The following MAST2 variants were observed in gnomAD, a reference collection of about 807,000 sequenced individuals.
The protein encoded by MAST2 is microtubule-associated serine/threonine-protein kinase 2.
A neutral mutation model predicts 147.4 loss-of-function variants in MAST2; 70 were observed. The observed-to-expected ratio is 0.47, with a 90% CI of 0.39 to 0.58. The LOEUF (loss-of-function observed/expected upper bound fraction) is 0.58. MAST2 is among the 20% of genes least tolerant of loss of function. The pLI, the probability that MAST2 is intolerant of heterozygous loss-of-function variation, is 0.00. For synonymous variants in MAST2, 869 were observed against 896.8 expected (o/e 0.97, Z 0.55); for missense variants, 2,080 against 2,302.3 (o/e 0.90, Z 1.98).
intron 4 of MAST2, among the ~76,000 whole-genome samples, chr1:45,915,105 A>AT (rs896074310): frequency 1.3e-5 from 2 of 152,042 alleles, no homozygotes; most frequent in South Asian, 2.1e-4. Flanking sequence ...TAATTTTTTA[A>AT]TTTTTTTGTA....
chr1:45,962,426 G>A (rs1347392849), intron 5 of MAST2, among the ~76,000 whole-genome samples: 1 of 152,032 alleles, frequency 6.6e-6, no homozygotes, highest in African/African-American at 2.4e-5. Context: ...ATCCTCTCCA[G>A]CACCTGTTGT....
intron 4 of MAST2, among the ~76,000 whole-genome samples, chr1:45,955,115 A>C (rs1483657373): frequency 7.1e-6 from 1 of 141,748 alleles, no homozygotes; most frequent in African/African-American, 2.5e-5. Flanking sequence ...CACAAAGCAT[A>C]CAAAAGCCCC....
chr1:46,034,915 G>GC lies in MAST2; in HGVS notation c.4248dup (p.Ala1417ArgfsTer3). 3 of 1,614,134 alleles carry GC rather than the reference G, an allele frequency of 1.9e-6. No homozygotes were observed. The highest frequency in any genetic ancestry group is 2.5e-6 in the Non-Finnish European group (3 of 1,180,036). The stretch of plus-strand genomic sequence containing the variant: ...GGCTGAGAAACTGGCAGCAGCACTT[G>GC]CCGCCTCTGAGAAGAAGCTAGCCAC... On this transcript the variant is annotated frameshift_variant, in exon 29 of 29. Transcript: ENST00000361297. LOFTEE classifies it low-confidence loss of function (END_TRUNC).
chr1:45,932,755 A>G (rs1191020424), intron 4 of MAST2, among the ~76,000 whole-genome samples: 1 of 152,132 alleles, frequency 6.6e-6, no homozygotes, highest in Non-Finnish European at 1.5e-5. Flanking sequence ...ATACCATTTT[A>G]GTTTTGATGC....
chr1:45,844,413 G>A (rs1015813784), intron 3 of MAST2, among the ~76,000 whole-genome samples: 5 of 152,106 alleles, frequency 3.3e-5, no homozygotes, highest in Non-Finnish European at 5.9e-5. Flanking sequence ...TTCCTGAGTA[G>A]CTGGGATTAC....
chr1:45,816,142 C>T (rs936629629), intron 1 of MAST2, among the ~76,000 whole-genome samples: 2 of 150,522 alleles, frequency 1.3e-5, no homozygotes, highest in Non-Finnish European at 1.5e-5. Flanking sequence ...AGCTTTTCTG[C>T]AGCCTGTGGC....
intron 5 of MAST2, among the ~76,000 whole-genome samples, chr1:45,965,721 T>C (rs1661093267): frequency 1.3e-5 from 2 of 149,780 alleles, no homozygotes; most frequent in South Asian, 4.2e-4. Flanking sequence ...CCCTACCTTA[T>C]TTTTTTTTTA....
chr1:45,959,325 C>T (rs1279698280), intron 4 of MAST2, 61 bp from the exon 5 acceptor site: 1 of 1,375,732 alleles, frequency 7.3e-7, no homozygotes, highest in Admixed American at 1.7e-5. Context: ...TTAAAAACCA[C>T]TCAAGGTCTC....
chr1:46,031,583 C>T lies in MAST2; in HGVS notation c.3185C>T (p.Ser1062Leu), dbSNP rs779415983. ...ACAGCCCTCTCACTCCTCATTCCTT[C>T]GGGTGAGGCCCCTGGGGAGCTGGGA... ...SATALSLLIP[S>L]EHHTCSPLAS... is the part of the protein sequence containing the mutation. Residue 1062 changes from serine (S) to leucine (L), a missense_variant and splice_region_variant, in exon 24 of 29, where the codon TCG (serine) becomes TTG (leucine). Ser to Leu is a moderately radical substitution (Grantham distance 145). Around this residue, in one of 4 missense-constraint regions of MAST2, gnomAD observed 1,278 missense variants for 1,304.2 expected, o/e 0.98. Transcript: ENST00000361297. The surrounding 1 kb of genome is among the most constrained non-coding windows in gnomAD (Gnocchi z 4.1). 4.5e-5 allele frequency: 72 copies of T among 1,609,464 alleles called. No individual in the cohort carries two copies. The South Asian group carries it at 6.5e-4, about 15-fold the overall frequency.
At chr1:45,924,004 T>A (rs1020623584) in intron 4 of MAST2, among the ~76,000 whole-genome samples, 1 of 152,174 alleles carries the variant, frequency 6.6e-6, no homozygotes, top group Non-Finnish European at 1.5e-5. Flanking sequence ...CCCCAGTAGC[T>A]GGGATTACAG....
intron 3 of MAST2, among the ~76,000 whole-genome samples, chr1:45,870,830 A>G (rs1023721094): frequency 1.3e-5 from 2 of 152,024 alleles, no homozygotes; most frequent in East Asian, 3.9e-4. Flanking sequence ...TTGGGAAGCT[A>G]AAGTGGGAGG....
chr1:45,922,842 A>G (rs1238711282), intron 4 of MAST2, among the ~76,000 whole-genome samples: 1 of 152,108 alleles, frequency 6.6e-6, no homozygotes, highest in Non-Finnish European at 1.5e-5. Context: ...AGTCTTGGGC[A>G]AGGGCTCCAG....
chr1:45,877,884 A>G (rs947166744), intron 3 of MAST2, among the ~76,000 whole-genome samples: 1 of 152,170 alleles, frequency 6.6e-6, no homozygotes, highest in African/African-American at 2.4e-5. Context: ...GATATTAGCT[A>G]ATAGAATCTA....
chr1:45,913,508 G>T (rs1331569973), intron 4 of MAST2: 5 of 826,488 alleles, frequency 6.0e-6, no homozygotes, highest in African/African-American at 5.5e-5. Flanking sequence ...TGTCACTGAC[G>T]CAGGAACAAG....
intron 3 of MAST2, among the ~76,000 whole-genome samples, chr1:45,860,059 T>C (rs1462571037): frequency 1.3e-5 from 2 of 152,258 alleles, no homozygotes; most frequent in East Asian, 1.9e-4. Flanking sequence ...ATATCCACAT[T>C]GATAAAAATT....
At chr1:45,810,723 A>G (rs979910451) in intron 1 of MAST2, among the ~76,000 whole-genome samples, 2 of 140,684 alleles carry the variant, frequency 1.4e-5, no homozygotes, top group African/African-American at 5.3e-5. Context: ...AGGCAGGAGA[A>G]TTGCTTGAAC....
chr1:45,876,785 TA>T (rs1397876206), intron 3 of MAST2, among the ~76,000 whole-genome samples: 7 of 152,118 alleles, frequency 4.6e-5, no homozygotes, highest in African/African-American at 1.7e-4. Context: ...CAGGCTTTTG[TA>T]TAGGTGTAAG....
At chr1:45,923,336 A>G (rs1653842716) in intron 4 of MAST2, among the ~76,000 whole-genome samples, 2 of 152,170 alleles carry the variant, frequency 1.3e-5, no homozygotes, top group Non-Finnish European at 2.9e-5. Flanking sequence ...GCGTCATGGC[A>G]GTGACTGCTT....
intron 4 of MAST2, among the ~76,000 whole-genome samples, chr1:45,941,003 C>G (rs183718031): frequency 6.6e-6 from 1 of 152,292 alleles, no homozygotes; most frequent in African/African-American, 2.4e-5. Context: ...TAGAAGCTGG[C>G]AAGCTCTGAT....
Sources: gnomAD v4.1 joint callset for allele counts (sites outside exome capture counted in the v4.1 genomes callset) on GRCh38, gnomAD v4.1.1 for gene constraint, gnomAD v4.1.1 regional missense constraint, Gnocchi (gnomAD v3.1) non-coding constraint, MANE v1.5 for transcripts, NCBI Gene and HGNC (gene_info 2026-07-23, HGNC 2026-07-21) for gene names.